Variants in CNIH3 observed in about 807,000 individuals in gnomAD.
CNIH3 encodes protein cornichon homolog 3.
In CNIH3, 14 loss-of-function variants were observed where a neutral mutation model predicts 24.1. That is an observed-to-expected ratio of 0.58 (90% confidence interval 0.38 to 0.91). CNIH3 has a LOEUF of 0.91. Ranked by LOEUF, CNIH3 falls within the 40% of genes least tolerant of loss-of-function variation. The pLI, the probability that CNIH3 is intolerant of heterozygous loss-of-function variation, is 0.00. For synonymous variants in CNIH3, 68 were observed against 73.8 expected, an observed-to-expected ratio of 0.92 and a Z score of 0.40; for missense variants, 178 against 196.8, an observed-to-expected ratio of 0.90 and a Z score of 0.57.
intron 1 of CNIH3, among the ~76,000 whole-genome samples, chr1:224,491,125 C>T (rs1265037385): frequency 6.6e-6 from 1 of 152,170 alleles, no homozygotes; most frequent in Admixed American, 6.5e-5. Context: ...TATAGAAATA[C>T]GGAGTCCTTC....
intron 3 of CNIH3, among the ~76,000 whole-genome samples, chr1:224,599,888 TA>T (rs1682136652): frequency 6.6e-6 from 1 of 152,202 alleles, no homozygotes; most frequent in Non-Finnish European, 1.5e-5. Flanking sequence ...AAAATGAATA[TA>T]AAATTTCTAA....
At chr1:224,515,290 A>C (rs1308727934), upstream of CNIH3, among the ~76,000 whole-genome samples, 1 of 152,238 alleles carries the variant, frequency 6.6e-6, no homozygotes, top group Non-Finnish European at 1.5e-5. Flanking sequence ...TTGTACATGC[A>C]TGACTGTACC....
intron 3 of CNIH3, among the ~76,000 whole-genome samples, chr1:224,556,193 T>A (rs1490784132): frequency 1.3e-5 from 2 of 150,502 alleles, no homozygotes; most frequent in Non-Finnish European, 1.5e-5. Context: ...TTTTTTTTTT[T>A]ATCACTTGTT....
intron 3 of CNIH3, among the ~76,000 whole-genome samples, chr1:224,720,594 T>G (rs1047745676): frequency 1.3e-5 from 2 of 152,156 alleles, no homozygotes; most frequent in African/African-American, 4.8e-5. Context: ...TGTGCTAAAT[T>G]CCCATCGAGC....
chr1:224,713,315 T>A (rs772365809), intron 3 of CNIH3, among the ~76,000 whole-genome samples: 1 of 152,258 alleles, frequency 6.6e-6, no homozygotes, highest in Non-Finnish European at 1.5e-5. Flanking sequence ...TTGATTATCA[T>A]GGCGAAGTCT....
At chr1:224,498,349 C>T (rs546711286) in intron 1 of CNIH3, among the ~76,000 whole-genome samples, 29 of 152,276 alleles carry the variant, frequency 1.9e-4, no homozygotes, top group African/African-American at 7.0e-4. Flanking sequence ...CTGCTGGGCC[C>T]GGTTCTCTTC....
At chr1:224,572,745 T>G (rs1327360116) in intron 4 of CNIH3, among the ~76,000 whole-genome samples, 1 of 152,160 alleles carries the variant, frequency 6.6e-6, no homozygotes, top group Non-Finnish European at 1.5e-5. Flanking sequence ...ATGTTAAGTC[T>G]GCCAATCCAT....
At chr1:224,602,984 A>G (rs531845063) in intron 3 of CNIH3, among the ~76,000 whole-genome samples, 1 of 152,294 alleles carries the variant, frequency 6.6e-6, no homozygotes, top group South Asian at 2.1e-4. Context: ...TGGGGAAAAA[A>G]AGCAACACAA....
At chr1:224,615,510 T>G (rs1293789416), upstream of CNIH3, 3 of 152,382 alleles carry the variant, frequency 2.0e-5, no homozygotes, top group East Asian at 5.8e-4. Context: ...TGTTCCCTTT[T>G]AATCCTTTGA....
chr1:224,643,314 C>G (rs1189429842), intron 1 of CNIH3, among the ~76,000 whole-genome samples: 1 of 152,236 alleles, frequency 6.6e-6, no homozygotes, highest in East Asian at 1.9e-4. Flanking sequence ...GTTTCTGTGT[C>G]TACAGTGCAT....
chr1:224,506,636 A>G (rs1007186936), intron 1 of CNIH3, among the ~76,000 whole-genome samples: 2 of 152,178 alleles, frequency 1.3e-5, no homozygotes, highest in Non-Finnish European at 2.9e-5. Flanking sequence ...TAGGGTAACA[A>G]TGTGAGATCA....
chr1:224,702,906 T>C (rs1288538299), intron 3 of CNIH3, among the ~76,000 whole-genome samples: 1 of 152,212 alleles, frequency 6.6e-6, no homozygotes, highest in African/African-American at 2.4e-5. Context: ...GAGACTTCGC[T>C]GAGATAGTAT....
In CNIH3 at chr1:224,617,067, G is replaced by C. The variant is rs1683038482; in HGVS notation, c.-108G>C. The C allele has an allele frequency of 2.6e-6, 4 of 1,531,208 alleles. No homozygotes were observed. Among genetic ancestry groups the C allele is most frequent in the African/African-American group, 1.4e-5 (1 of 72,186 alleles). 94.9% of individuals were successfully genotyped at this position (1,531,208 alleles called of 1,614,324 possible). A position where few individuals can be genotyped will look rare whatever the true frequency, so the allele number is the denominator to read the frequency against. ...GTGCGCCCTCCTGGGCACTAGCCTG[G>C]AGAGGAGCGTGCAGACGCGGCTCCT... On this transcript the variant is annotated 5_prime_UTR_variant, in exon 1 of 6. Transcript: ENST00000272133.
chr1:224,618,338 G>T (rs1374818418), intron 1 of CNIH3, among the ~76,000 whole-genome samples: 1 of 152,232 alleles, frequency 6.6e-6, no homozygotes, highest in African/African-American at 2.4e-5. Flanking sequence ...CCTGCCCAGC[G>T]TCTAGGTGAC....
chr1:224,598,998 A>C (rs186460825), intron 3 of CNIH3, among the ~76,000 whole-genome samples: 1 of 152,154 alleles, frequency 6.6e-6, no homozygotes, highest in Non-Finnish European at 1.5e-5. Context: ...GCAGTTATCT[A>C]TTGCTGCATA....
At chr1:224,436,142 A>G (rs1674654947) in intron 1 of CNIH3, among the ~76,000 whole-genome samples, 1 of 152,190 alleles carries the variant, frequency 6.6e-6, no homozygotes, top group Non-Finnish European at 1.5e-5. Context: ...TGTAGTTCTT[A>G]CTGCTTAAAT....
chr1:224,682,034 A>G (rs901490463), intron 2 of CNIH3, among the ~76,000 whole-genome samples: 5 of 151,984 alleles, frequency 3.3e-5, no homozygotes, highest in Non-Finnish European at 7.4e-5. Flanking sequence ...CTTAGCTTGG[A>G]ATGTTTGTGG....
chr1:224,504,424 C>T lies in CNIH3; in HGVS notation n.204-11317C>T, dbSNP rs147778382. On this transcript the variant is annotated intron_variant and non_coding_transcript_variant, in intron 1 of 5. Coordinates refer to the CNIH3 transcript ENST00000471578. ...ACTGGCTGAAATTCTGGGCTCCAAG[C>T]GACATTTGGTAAAGGGATTCCTCTT... Among the ~76,000 whole-genome samples the T allele has an allele frequency of 1.9e-3, 291 of 152,280 alleles. 2 individuals are homozygous for T. Among genetic ancestry groups the T allele is most frequent in the Middle Eastern group, 0.01 (3 of 294 alleles).
At position 224,684,735 on chromosome 1, in the gene CNIH3, C is replaced by T; in HGVS notation, c.151-61C>T. 6.7e-7 allele frequency: 1 copy of T among 1,488,302 alleles called. No individual in the cohort carries two copies. The highest frequency in any genetic ancestry group is 2.3e-5 in the East Asian group (1 of 44,242). 92.2% of individuals were successfully genotyped at this position (1,488,302 alleles called of 1,614,324 possible). ...ATTGGGGCTGATTGCGGGGCCTTCTCATGCTATTTTAGCAGAACCCCTAAC... is the reference window on the plus strand; with the variant it reads ...ATTGGGGCTGATTGCGGGGCCTTCTTATGCTATTTTAGCAGAACCCCTAAC... On this transcript the variant is annotated intron_variant, in intron 2 of 5. Transcript: ENST00000272133. This position sits in a 1 kb window ranked among gnomAD's most constrained non-coding sequence, Gnocchi z 4.2.
Sources: gnomAD v4.1 joint callset for allele counts (sites outside exome capture counted in the v4.1 genomes callset) on GRCh38, gnomAD v4.1.1 for gene constraint, Gnocchi (gnomAD v3.1) non-coding constraint, MANE v1.5 for transcripts, NCBI Gene and HGNC (gene_info 2026-07-23, HGNC 2026-07-21) for gene names.